SNX5: variants seen among roughly 807,000 people sequenced by gnomAD.
SNX5 encodes sorting nexin 5, also known as sorting nexin-5.
Under a neutral mutation model 53.9 loss-of-function variants are expected in SNX5, and 31 were observed. That is an observed-to-expected ratio of 0.58 (90% confidence interval 0.43 to 0.78). The LOEUF (loss-of-function observed/expected upper bound fraction) is 0.78, where lower values mean the gene tolerates loss of function less well. SNX5 is among the 30% of genes least tolerant of loss of function. The probability of loss-of-function intolerance (pLI) is 0.00; values close to 1 mark genes in which losing one functional copy is unlikely to be tolerated. For synonymous variants in SNX5, 168 were observed against 171.1 expected (o/e 0.98, Z 0.14); for missense variants, 471 against 478.8 (o/e 0.98, Z 0.15).
intron 5 of SNX5, among the ~76,000 whole-genome samples, chr20:17,952,268 G>A (rs115580097): frequency 7.6e-4 from 116 of 152,192 alleles, no homozygotes; most frequent in African/African-American, 2.7e-3. Flanking sequence ...AGCGTAGGTG[G>A]GAAGAAAATA....
chr20:17,962,851 G>A, intron 1 of SNX5: 1 of 519,136 alleles, frequency 1.9e-6, no homozygotes, highest in South Asian at 1.4e-5. Context: ...GCATTTTCAG[G>A]CTACATAGCC....
At position 17,947,675 on chromosome 20, in the gene SNX5, T is replaced by C. The variant is rs1224091795; in HGVS notation, c.919-30A>G. ...GAAAAAAATTAACAGGTATACATAC[T>C]AAGTATCTAAACCAGTCTAAAAAAT... On this transcript the variant is annotated intron_variant, in intron 10 of 12. Transcript: ENST00000377759. The C allele has an allele frequency of 1.9e-6, 3 of 1,591,368 alleles. No individual in the cohort carries two copies. In the South Asian group the frequency reaches 3.4e-5, roughly 18 times the overall value.
At chr20:17,947,342 G>A (rs1192281490) in intron 11 of SNX5, 144 bp downstream of exon 11, 5 of 785,314 alleles carry the variant, frequency 6.4e-6, no homozygotes, top group Non-Finnish European at 1.0e-5. Context: ...GGATGACTGT[G>A]CATGTGCAAG....
intron 1 of SNX5, chr20:17,961,495 A>G (rs1224810164): frequency 2.0e-6 from 2 of 985,426 alleles, no homozygotes; most frequent in Non-Finnish European, 1.2e-6. Flanking sequence ...GATTGGGGCT[A>G]GTTGAACAGT....
intron 4 of SNX5, among the ~76,000 whole-genome samples, chr20:17,953,203 T>C (rs1167725097): frequency 6.6e-6 from 1 of 152,126 alleles, no homozygotes; most frequent in Non-Finnish European, 1.5e-5. Context: ...CGAGAGCCAC[T>C]CAAGTGTGTG....
chr20:17,947,681 T>A, intron 10 of SNX5, 36 bp from the exon 11 acceptor site: 1 of 1,548,708 alleles, frequency 6.5e-7, no homozygotes, highest in Non-Finnish European at 8.7e-7. Context: ...ATACTAAGTA[T>A]CTAAACCAGT....
chr20:17,962,105 G>A (rs1002601068), intron 1 of SNX5: 68 of 429,104 alleles, frequency 1.6e-4, no homozygotes, highest in African/African-American at 1.3e-3. Flanking sequence ...TAACTAATAC[G>A]TACCTATCTG....
At chr20:17,960,572 C>T (rs894568614) in intron 1 of SNX5, among the ~76,000 whole-genome samples, 2 of 151,036 alleles carry the variant, frequency 1.3e-5, no homozygotes, top group Non-Finnish European at 2.9e-5. Context: ...CCAGCCTGGG[C>T]GATGAGAGCG....
Position 17,942,340 on chromosome 20 carries a change from T to C in SNX5, c.*17A>G, listed in dbSNP as rs200970421. 1,092 of 1,544,508 alleles carry C rather than the reference T, an allele frequency of 7.1e-4. 9 individuals are homozygous for C. The South Asian group carries it at 0.011, about 15-fold the overall frequency. ...CTTTCTTTCACATTCATTTCTTTTC[T>C]TCTGAGTGAAGGCATATCAGTTATT... On this transcript the variant is annotated 3_prime_UTR_variant, in exon 13 of 13. Transcript: ENST00000377759.
chr20:17,968,707 C>T lies in SNX5; in HGVS notation c.-282G>A, dbSNP rs1162451236. The T allele has an allele frequency of 2.1e-6, 1 of 470,344 alleles. No homozygotes were observed. Among genetic ancestry groups the T allele is most frequent in the Admixed American group, 3.8e-5 (1 of 26,610 alleles). 29.1% of individuals were successfully genotyped at this position (470,344 alleles called of 1,614,324 possible). A position where few individuals can be genotyped will look rare whatever the true frequency, so the allele number is the denominator to read the frequency against. ...ACGCCACGTGGGGCCTACCCTTGCT[C>T]CGCTCCACGAGGAGGCCGCCAACCG... On this transcript the variant is annotated 5_prime_UTR_variant, in exon 1 of 13. Transcript: ENST00000377759.
intron 1 of SNX5, chr20:17,968,100 A>C (rs2122451514): frequency 2.5e-6 from 1 of 398,874 alleles, no homozygotes; most frequent in Non-Finnish European, 4.4e-6. Flanking sequence ...TCCAGAGATC[A>C]TCTCTCCAAG....
rs1442080376 is a variant in SNX5 at position 17,941,674 on chromosome 20, C to G, written c.*683G>C. On this transcript the variant is annotated 3_prime_UTR_variant, in exon 13 of 13. Coordinates refer to ENST00000377759, the MANE Select transcript of SNX5 (RefSeq NM_014426.4). ...AAAGACATACAACACACCGCCCTCA[C>G]CCCCCAGCGGCCATTAGGGAGGGGG... is the stretch of plus-strand genomic sequence containing the variant. 1 of 152,188 alleles carries G rather than the reference C, an allele frequency of 6.6e-6. No homozygotes were observed. The highest frequency in any genetic ancestry group is 2.4e-5 in the African/African-American group (1 of 41,408). 9.4% of individuals were successfully genotyped at this position (152,188 alleles called of 1,614,324 possible).
At chr20:17,955,570 C>T in intron 2 of SNX5, 95 bp from the exon 3 acceptor site, 2 of 752,380 alleles carry the variant, frequency 2.7e-6, no homozygotes, top group South Asian at 3.1e-5. Context: ...CTGCATAATA[C>T]ATCATAATAT....
In SNX5 at chr20:17,960,825, G is replaced by A. The variant is rs116879536; in HGVS notation, c.52-3788C>T. ...AAACAAACCCAACAACCCAGCCTGAGCAAAACGGTGAGACCTCATCTCTAT... is the reference window on the plus strand; with the variant it reads ...AAACAAACCCAACAACCCAGCCTGAACAAAACGGTGAGACCTCATCTCTAT... On this transcript the variant is annotated intron_variant, in intron 1 of 12. Transcript: ENST00000377759. Among the ~76,000 whole-genome samples the A allele has an allele frequency of 4.6e-5, 7 of 150,960 alleles. No individual in the cohort carries two copies. In the East Asian group the frequency reaches 1.4e-3, roughly 29 times the overall value.
chr20:17,957,391 C>T (rs1361780440), intron 1 of SNX5, among the ~76,000 whole-genome samples: 1 of 146,520 alleles, frequency 6.8e-6, no homozygotes. Context: ...GCTGAGATCA[C>T]ACCACTGCAC....
intron 2 of SNX5, among the ~76,000 whole-genome samples, 195 bp from the exon 3 acceptor site, chr20:17,955,670 A>T (rs2035340913): frequency 6.6e-6 from 1 of 152,220 alleles, no homozygotes; most frequent in Non-Finnish European, 1.5e-5. Flanking sequence ...ATTTCTCCCC[A>T]AACTCCACCT....
chr20:17,962,109 C>T, intron 1 of SNX5: 1 of 417,416 alleles, frequency 2.4e-6, no homozygotes, highest in Non-Finnish European at 3.2e-6. Context: ...TAATACGTAC[C>T]TATCTGTGTT....
chr20:17,954,382 G>C (rs1366867557), intron 3 of SNX5, among the ~76,000 whole-genome samples: 1 of 152,158 alleles, frequency 6.6e-6, no homozygotes, highest in Non-Finnish European at 1.5e-5. Context: ...GAGCACAACA[G>C]TGTCTATACT....
At chr20:17,956,036 C>T (rs1051731147) in intron 2 of SNX5, among the ~76,000 whole-genome samples, 5 of 152,270 alleles carry the variant, frequency 3.3e-5, no homozygotes, top group East Asian at 3.9e-4. Context: ...CTTGTCCTCC[C>T]GAAGTGCTAG....
Sources: allele counts gnomAD v4.1 joint callset (sites outside exome capture counted in the v4.1 genomes callset), GRCh38; gene constraint gnomAD v4.1.1; transcripts MANE v1.5; gene names NCBI Gene and HGNC (gene_info 2026-07-23, HGNC 2026-07-21).